Variants in SVOP observed in about 807,000 individuals in gnomAD.
The protein encoded by SVOP is synaptic vesicle 2-related protein.
SVOP carries 17 observed loss-of-function variants against 69.1 expected under a neutral mutation model. The observed-to-expected ratio is 0.25, with a 90% confidence interval of 0.17 to 0.37. The LOEUF is 0.37. Ranked by LOEUF, SVOP falls within the 10% of genes least tolerant of loss-of-function variation. The pLI is 1.00. For missense variants in SVOP, 435 were observed against 597.5 expected, an observed-to-expected ratio of 0.73 and a Z score of 2.84; for synonymous variants, 238 against 238.6, an observed-to-expected ratio of 1.00 and a Z score of 0.02.
At chr12:108,995,037 C>T (rs1054196743) in intron 1 of SVOP, among the ~76,000 whole-genome samples, 6 of 151,656 alleles carry the variant, frequency 4.0e-5, no homozygotes, top group Admixed American at 6.6e-5. Flanking sequence ...CCCAGCTACT[C>T]GGGAGGCTGA....
At chr12:108,978,104 G>A (rs1361496851) in intron 3 of SVOP, among the ~76,000 whole-genome samples, 2 of 152,100 alleles carry the variant, frequency 1.3e-5, no homozygotes, top group Non-Finnish European at 1.5e-5. Context: ...GGAAATTGAC[G>A]ATCCATTTGG....
intron 5 of SVOP, 117 bp from the exon 6 acceptor site, chr12:108,961,164 G>T (rs1333195229): frequency 3.1e-6 from 4 of 1,292,312 alleles, no homozygotes; most frequent in African/African-American, 3.0e-5. Context: ...ACACAACCAA[G>T]GGGGTACTGG....
rs1238826827 is a variant in SVOP, at chr12:109,020,879, C to T, written c.-11G>A. 5.6e-6 allele frequency: 4 copies of T among 717,614 alleles called. No individual in the cohort carries two copies. The highest frequency in any genetic ancestry group is 5.3e-5 in the African/African-American group (3 of 57,108). The allele number at this position is 717,614 out of a possible 1,614,324, so 44.5% of individuals were successfully genotyped here. On this transcript the variant is annotated 5_prime_UTR_variant, in exon 1 of 16. Transcript: ENST00000610966. ...TAAGTCCTCCTCCATGTCCGCGCTGCGCCAGGATGAGCCCTTCTCATGGCC... is the reference window on the plus strand; with the variant it reads ...TAAGTCCTCCTCCATGTCCGCGCTGTGCCAGGATGAGCCCTTCTCATGGCC...
At chr12:108,929,352 C>T (rs970918998) in intron 11 of SVOP, among the ~76,000 whole-genome samples, 8 of 152,248 alleles carry the variant, frequency 5.3e-5, no homozygotes, top group East Asian at 1.9e-4. Flanking sequence ...GACAGGGCCT[C>T]GCTCTGTTGC....
rs201170020 is a variant in SVOP, at chr12:108,932,694, AC to A, written c.1048+1500del. Among the ~76,000 whole-genome samples the A allele has an allele frequency of 6.7e-3, 1,022 of 151,924 alleles. 7 individuals are homozygous for A. The highest frequency in any genetic ancestry group is 0.014 in the Middle Eastern group (4 of 294). On this transcript the variant is annotated intron_variant, in intron 11 of 15. Coordinates refer to ENST00000610966, the MANE Select transcript of SVOP (RefSeq NM_018711.5). ...AGGTTCAGACATACCTCCTTCTTAT[AC>A]CCCCTCCCTCTTGGAGTTTAGGCAC... is the stretch of plus-strand genomic sequence containing the variant.
At chr12:108,971,768 G>T (rs2040080299) in intron 5 of SVOP, among the ~76,000 whole-genome samples, 1 of 152,024 alleles carries the variant, frequency 6.6e-6, no homozygotes, top group South Asian at 2.1e-4. Context: ...TTGAGAAATG[G>T]CTTTCTGGGT....
chr12:108,960,570 T>C (rs952037682), intron 6 of SVOP, among the ~76,000 whole-genome samples: 2 of 152,190 alleles, frequency 1.3e-5, no homozygotes, highest in African/African-American at 2.4e-5. Flanking sequence ...TTTCACTCTC[T>C]GAGGCTCAGT....
intron 6 of SVOP, among the ~76,000 whole-genome samples, chr12:108,946,651 T>C (rs2039924782): frequency 6.6e-6 from 1 of 151,074 alleles, no homozygotes; most frequent in Non-Finnish European, 1.5e-5. Context: ...CAATAAGGAC[T>C]GGAGGATTCC....
intron 5 of SVOP, among the ~76,000 whole-genome samples, chr12:108,964,986 A>G (rs1199459487): frequency 6.6e-6 from 1 of 152,200 alleles, no homozygotes; most frequent in Non-Finnish European, 1.5e-5. Flanking sequence ...CATTTATTCA[A>G]TAAACACATG....
chr12:108,950,800 T>TG lies in SVOP; in HGVS notation c.579-5635dup, dbSNP rs1175813845. ...TGTTCAATTTCTTGCTTTTGCCACC[T>TG]GTGCCACAAGAAACATCTTTTCCTA... is the stretch of plus-strand genomic sequence containing the variant. On this transcript the variant is annotated intron_variant, in intron 6 of 15. Coordinates refer to ENST00000610966, the MANE Select transcript of SVOP (RefSeq NM_018711.5). 6.8e-4 allele frequency among the ~76,000 whole-genome samples: 104 copies of TG among 152,376 alleles called. 2 individuals are homozygous for TG. The highest frequency in any genetic ancestry group is 2.5e-3 in the African/African-American group (104 of 41,596).
chr12:108,925,683 C>A (rs915306546), intron 11 of SVOP, among the ~76,000 whole-genome samples: 1 of 152,204 alleles, frequency 6.6e-6, no homozygotes, highest in Admixed American at 6.5e-5. Context: ...TTGCTCCACT[C>A]ACTCTACTCC....
At chr12:108,959,600 C>T (rs779344840) in intron 6 of SVOP, among the ~76,000 whole-genome samples, 8 of 152,074 alleles carry the variant, frequency 5.3e-5, no homozygotes, top group Non-Finnish European at 1.0e-4. Context: ...GTGATCTATC[C>T]GTCTTGGCCT....
chr12:108,958,427 C>T (rs1418792633), intron 6 of SVOP, among the ~76,000 whole-genome samples: 2 of 151,870 alleles, frequency 1.3e-5, no homozygotes, highest in African/African-American at 4.8e-5. Flanking sequence ...ACATGCTGTA[C>T]GGGTGTGTAG....
intron 1 of SVOP, among the ~76,000 whole-genome samples, chr12:108,986,498 C>G (rs2040166580): frequency 6.6e-6 from 1 of 152,152 alleles, no homozygotes; most frequent in Non-Finnish European, 1.5e-5. Flanking sequence ...TGCTGTTTAA[C>G]TAAAGGATTA....
chr12:108,982,033 A>C (rs1156515003), intron 2 of SVOP, among the ~76,000 whole-genome samples: 1 of 151,662 alleles, frequency 6.6e-6, no homozygotes, highest in Non-Finnish European at 1.5e-5. Context: ...CACCACCATC[A>C]TCATCACTAT....
chr12:108,944,981 C>T (rs748162821), intron 7 of SVOP, 122 bp downstream of exon 7: 9 of 838,472 alleles, frequency 1.1e-5, no homozygotes, highest in Non-Finnish European at 1.7e-5. Context: ...TACGTCTTTG[C>T]ATATTGAGTC....
intron 6 of SVOP, among the ~76,000 whole-genome samples, chr12:108,954,605 G>A (rs1289535236): frequency 6.6e-6 from 1 of 152,088 alleles, no homozygotes; most frequent in East Asian, 1.9e-4. Flanking sequence ...TTGCTGTTTT[G>A]GGGTGTGATT....
At chr12:108,923,057 C>T (rs865781093) in intron 11 of SVOP, among the ~76,000 whole-genome samples, 1 of 152,172 alleles carries the variant, frequency 6.6e-6, no homozygotes, top group Non-Finnish European at 1.5e-5. Flanking sequence ...GTGGGCTATG[C>T]GTATGAATGT....
intron 1 of SVOP, among the ~76,000 whole-genome samples, chr12:108,987,887 T>C (rs186831357): frequency 5.3e-5 from 8 of 151,622 alleles, no homozygotes; most frequent in African/African-American, 1.7e-4. Flanking sequence ...ATTGCCTTTT[T>C]ACTCTATTGA....
Sources: gnomAD v4.1 joint callset for allele counts (sites outside exome capture counted in the v4.1 genomes callset) on GRCh38, gnomAD v4.1.1 for gene constraint, MANE v1.5 for transcripts, NCBI Gene and HGNC (gene_info 2026-07-23, HGNC 2026-07-21) for gene names.